Variants in ZNF462 observed in about 807,000 individuals in gnomAD.
ZNF462 encodes the protein zinc finger protein 462.
In ZNF462, 10 loss-of-function variants were observed where a neutral mutation model predicts 201.9. The ratio of observed to expected loss-of-function variants is 0.05; its 90% CI spans 0.03 to 0.08. The LOEUF is 0.08. ZNF462 is among the 10% of genes least tolerant of loss of function. ZNF462 has a pLI of 1.00. For missense variants in ZNF462, 2,523 were observed against 3,168.3 expected, an observed-to-expected ratio of 0.80 and a Z score of 4.89; for synonymous variants, 1,227 against 1,193.3, an observed-to-expected ratio of 1.03 and a Z score of -0.58.
At chr9:106,998,596 C>T (rs551739562) in intron 10 of ZNF462, among the ~76,000 whole-genome samples, 7 of 152,000 alleles carry the variant, frequency 4.6e-5, no homozygotes, top group African/African-American at 1.7e-4. Context: ...CCTCATCTCA[C>T]TTTTATTTTT....
rs955659052 is a variant in ZNF462 at position 106,974,023 on chromosome 9, C to T, written c.6696-114C>T. On this transcript the variant is annotated intron_variant, in intron 8 of 12. Transcript: ENST00000277225. The surrounding 1 kb of genome is among the most constrained non-coding windows in gnomAD (Gnocchi z 4.0). ...ATGATGAACAGATTTTTTTTTAGCC[C>T]CACAAGCAGGAGAGCCGCACTTGGA... 92 of 1,394,592 alleles carry T rather than the reference C, an allele frequency of 6.6e-5. No homozygotes were observed. The highest frequency in any genetic ancestry group is 8.6e-5 in the Non-Finnish European group (88 of 1,022,608). The allele number at this position is 1,394,592 out of a possible 1,614,324, so 86.4% of individuals were successfully genotyped here. A position where few individuals can be genotyped will look rare whatever the true frequency, so the allele number is the denominator to read the frequency against.
At position 106,925,808 on chromosome 9, in the gene ZNF462, C is replaced by G; in HGVS notation, c.1896C>G (p.Phe632Leu). 2 of 1,614,192 alleles carry G rather than the reference C, an allele frequency of 1.2e-6. No individual in the cohort carries two copies. The highest frequency in any genetic ancestry group is 1.7e-6 in the Non-Finnish European group (2 of 1,180,036). ...KHSFCDNLPK[F>L]EGQPSSLPLE... ...CATTCTGTGACAACTTGCCAAAATT[C>G]GAGGGGCAGCCCTCAAGCCTACCAT... Residue 632 changes from phenylalanine (F) to leucine (L), a missense_variant, in exon 3 of 13, where the codon TTC becomes TTG. Phe to Leu is a conservative substitution (Grantham distance 22). Transcript: ENST00000277225. This position sits in a 1 kb window ranked among gnomAD's most constrained non-coding sequence, Gnocchi z 7.9.
rs988564054 is a variant in ZNF462 at position 106,974,034 on chromosome 9, A to G, written c.6696-103A>G. 3 of 1,460,882 alleles carry G rather than the reference A, an allele frequency of 2.1e-6. No homozygotes were observed. In the African/African-American group the frequency reaches 4.2e-5, roughly 21 times the overall value. 90.5% of individuals were successfully genotyped at this position (1,460,882 alleles called of 1,614,324 possible). On this transcript the variant is annotated intron_variant, in intron 8 of 12. Transcript: ENST00000277225. This position sits in a 1 kb window ranked among gnomAD's most constrained non-coding sequence, Gnocchi z 4.0. ...ATTTTTTTTTAGCCCCACAAGCAGG[A>G]GAGCCGCACTTGGACATATATAACG... is the stretch of plus-strand genomic sequence containing the variant.
At position 106,974,025 on chromosome 9, in the gene ZNF462, A is replaced by T; in HGVS notation, c.6696-112A>T. 1.4e-6 allele frequency: 2 copies of T among 1,411,060 alleles called. No individual in the cohort carries two copies. Among genetic ancestry groups the T allele is most frequent in the Admixed American group, 2.0e-5 (1 of 49,472 alleles). 87.4% of individuals were successfully genotyped at this position (1,411,060 alleles called of 1,614,324 possible). ...GATGAACAGATTTTTTTTTAGCCCC[A>T]CAAGCAGGAGAGCCGCACTTGGACA... On this transcript the variant is annotated intron_variant, in intron 8 of 12. Transcript: ENST00000277225. The surrounding 1 kb of genome is among the most constrained non-coding windows in gnomAD (Gnocchi z 4.0).
rs1268455602 is a variant in ZNF462 at position 106,917,680 on chromosome 9, A to G, written c.-30-5674A>G. On this transcript the variant is annotated intron_variant, in intron 1 of 12. Transcript: ENST00000277225. The surrounding 1 kb of genome is among the most constrained non-coding windows in gnomAD (Gnocchi z 4.5). ...TAGTGTGGTGAATTGCCAAGAGTAC[A>G]CAGAACTGCTTAGATCATGTAGCAA... 6.6e-6 allele frequency among the ~76,000 whole-genome samples: 1 copy of G among 152,160 alleles called. No homozygotes were observed. The highest frequency in any genetic ancestry group is 1.9e-4 in the East Asian group (1 of 5,190).
At position 106,974,332 on chromosome 9, in the gene ZNF462, T is replaced by A. The variant is rs1011071130; in HGVS notation, c.6832+59T>A. 6.2e-7 allele frequency: 1 copy of A among 1,612,096 alleles called. No homozygotes were observed. The highest frequency in any genetic ancestry group is 1.1e-5 in the South Asian group (1 of 91,020). On this transcript the variant is annotated intron_variant, in intron 9 of 12. Transcript: ENST00000277225. This position sits in a 1 kb window ranked among gnomAD's most constrained non-coding sequence, Gnocchi z 4.0. ...CGGGGGGCAGGCAGCAGAGATGGCC[T>A]TCTAGGGATGCTCTCTCAGAGTGGC...
rs1554716096 is a variant in ZNF462, at chr9:106,987,027, A to AGAT, written c.7056+2619_7056+2621dup. On this transcript the variant is annotated intron_variant, in intron 10 of 12. Coordinates refer to ENST00000277225, the MANE Select transcript of ZNF462 (RefSeq NM_021224.6). The stretch of plus-strand genomic sequence containing the variant: ...TAGATAGATAGATAGATAGATAGAT[A>AGAT]GATAGATAGATATCACAGTTTCTTT... Among the ~76,000 whole-genome samples, 17 of 148,734 alleles carry AGAT rather than the reference A, an allele frequency of 1.1e-4. No homozygotes were observed. In the East Asian group the frequency reaches 2.8e-3, roughly 25 times the overall value.
chr9:106,937,829 G>A (rs948613399), intron 6 of ZNF462, among the ~76,000 whole-genome samples: 1 of 151,884 alleles, frequency 6.6e-6, no homozygotes, highest in Admixed American at 6.6e-5. Context: ...TTTTCCTTAT[G>A]GTTGTAAATT....
intron 7 of ZNF462, among the ~76,000 whole-genome samples, chr9:106,958,335 T>C (rs1358329565): frequency 6.6e-6 from 1 of 152,134 alleles, no homozygotes; most frequent in Non-Finnish European, 1.5e-5. Flanking sequence ...GAATAAATTC[T>C]GAGCTTAGCA....
chr9:106,921,931 G>T (rs1253545091), intron 1 of ZNF462, among the ~76,000 whole-genome samples: 3 of 152,130 alleles, frequency 2.0e-5, no homozygotes, highest in Non-Finnish European at 4.4e-5. Context: ...TAAATTGCTG[G>T]GTGAAAGAAG....
At position 106,954,619 on chromosome 9, in the gene ZNF462, ATCTC is replaced by A. The variant is rs1050569274; in HGVS notation, c.6427+15517_6427+15520del. On this transcript the variant is annotated intron_variant, in intron 7 of 12. Coordinates refer to ENST00000277225, the MANE Select transcript of ZNF462 (RefSeq NM_021224.6). The surrounding 1 kb of genome is among the most constrained non-coding windows in gnomAD (Gnocchi z 4.0). ...ATATTCTAGCCTAACTGGAATGAGC[ATCTC>A]TCTCCTCATCCTTTTGCCTTTGTTC... 6.6e-5 allele frequency among the ~76,000 whole-genome samples: 10 copies of A among 151,650 alleles called. No individual in the cohort carries two copies. In the East Asian group the frequency reaches 1.9e-3, roughly 29 times the overall value.
chr9:106,907,497 T>C (rs1188635001), intron 1 of ZNF462, among the ~76,000 whole-genome samples: 18 of 152,102 alleles, frequency 1.2e-4, no homozygotes, highest in Admixed American at 1.2e-3. Flanking sequence ...TTTACATATA[T>C]TGCCATGAGT....
chr9:107,004,785 T>C (rs1829433661), intron 11 of ZNF462, among the ~76,000 whole-genome samples: 1 of 152,182 alleles, frequency 6.6e-6, no homozygotes, highest in Admixed American at 6.5e-5. Context: ...TGTTATTAAC[T>C]GTAGCCACTG....
At chr9:106,965,832 A>T (rs1041072835) in intron 7 of ZNF462, among the ~76,000 whole-genome samples, 1 of 152,120 alleles carries the variant, frequency 6.6e-6, no homozygotes, top group African/African-American at 2.4e-5. Context: ...TCACTGTCGC[A>T]TACATGAAAA....
In ZNF462 at chr9:106,927,866, C is replaced by T. The variant is rs1461389043; in HGVS notation, c.3954C>T (p.Ile1318=). ...IEAGYHCEWC[I]YSHTEPNGLL... ...CTGGCTACCACTGCGAGTGGTGCAT[C>T]TACTCCCATACGGAGCCCAACGGTT... The change falls in exon 3 of 13, where the codon ATC becomes ATT. Residue 1318 remains isoleucine (I), a synonymous_variant. Coordinates refer to ENST00000277225, the MANE Select transcript of ZNF462 (RefSeq NM_021224.6). The T allele has an allele frequency of 6.2e-7, 1 of 1,614,160 alleles. No individual in the cohort carries two copies. Among genetic ancestry groups the T allele is most frequent in the Admixed American group, 1.7e-5 (1 of 60,028 alleles).
At chr9:106,957,902 A>T (rs980048658) in intron 7 of ZNF462, among the ~76,000 whole-genome samples, 3 of 152,076 alleles carry the variant, frequency 2.0e-5, no homozygotes, top group African/African-American at 7.2e-5. Context: ...ATTTTTGCAC[A>T]TGAAGGGTTG....
intron 4 of ZNF462, among the ~76,000 whole-genome samples, chr9:106,931,934 C>G (rs1260853787): frequency 3.3e-5 from 5 of 152,158 alleles, no homozygotes. Context: ...AACTTTATGT[C>G]AACTTAGATG....
chr9:106,998,247 T>A (rs550919023), intron 10 of ZNF462, among the ~76,000 whole-genome samples: 6 of 152,162 alleles, frequency 3.9e-5, no homozygotes, highest in Non-Finnish European at 5.9e-5. Flanking sequence ...AAACATTAAG[T>A]GGACTTTCTC....
At chr9:106,939,170 C>T in intron 7 of ZNF462, 63 bp downstream of exon 7, 8 of 1,391,050 alleles carry the variant, frequency 5.8e-6, no homozygotes, top group Non-Finnish European at 7.6e-6. Context: ...GGATTCATTG[C>T]CAATCATTTT....
Sources: gnomAD v4.1 joint callset for allele counts (sites outside exome capture counted in the v4.1 genomes callset) on GRCh38, gnomAD v4.1.1 for gene constraint, Gnocchi (gnomAD v3.1) non-coding constraint, MANE v1.5 for transcripts, NCBI Gene and HGNC (gene_info 2026-07-23, HGNC 2026-07-21) for gene names.